The following LMBR1 variants were observed in gnomAD, a reference collection of about 807,000 sequenced individuals.
The protein encoded by LMBR1 is limb region 1 protein homolog.
Under a neutral mutation model 73.9 loss-of-function variants are expected in LMBR1, and 52 were observed. The observed-to-expected ratio is 0.70, with a 90% CI of 0.56 to 0.89. LMBR1 has a LOEUF of 0.89. LMBR1 is among the 40% of genes least tolerant of loss of function. LMBR1 has a pLI of 0.00. For missense variants in LMBR1, 539 were observed against 579.8 expected (o/e 0.93, Z 0.72); for synonymous variants, 215 against 209.4 (o/e 1.03, Z -0.23).
chr7:156,754,361 TA>T (rs564331435), intron 9 of LMBR1, among the ~76,000 whole-genome samples: 3 of 152,106 alleles, frequency 2.0e-5, no homozygotes, highest in Non-Finnish European at 4.4e-5. Flanking sequence ...CGTTACTTTT[TA>T]AAAAAAATAC....
rs1291603959 is a variant in LMBR1, at chr7:156,796,400, C to T, written c.412G>A (p.Gly138Ser). The change falls in exon 5 of 17, where the codon GGC becomes AGC. Residue 138 changes from glycine to serine, a missense_variant. This residue lies in a region of LMBR1 where 454 missense variants were observed against 473.4 expected (regional missense o/e 0.96). Coordinates refer to ENST00000353442, the MANE Select transcript of LMBR1 (RefSeq NM_022458.4). ...CTAGATTCACTTACCTTTTTCAGGC[C>T]AGCAAAGCCTTCTGATTCCAGAAAG... ...FFFLESEGFA[G>S]LKKGIRARIL... is the part of the protein sequence containing the mutation. The T allele has an allele frequency of 1.3e-6, 2 of 1,599,122 alleles. No homozygotes were observed. Among genetic ancestry groups the T allele is most frequent in the Non-Finnish European group, 1.7e-6 (2 of 1,173,958 alleles).
At chr7:156,782,981 T>A (rs1023254406) in intron 5 of LMBR1, among the ~76,000 whole-genome samples, 1 of 152,200 alleles carries the variant, frequency 6.6e-6, no homozygotes, top group Non-Finnish European at 1.5e-5. Context: ...CTTGTAATAT[T>A]TGATAGAGGA....
intron 1 of LMBR1, among the ~76,000 whole-genome samples, chr7:156,849,980 C>A (rs1435228260): frequency 2.6e-5 from 4 of 152,114 alleles, no homozygotes; most frequent in African/African-American, 7.2e-5. Flanking sequence ...TTGCTGTGAA[C>A]CTAAAATTTC....
At chr7:156,731,637 CAG>C (rs1223548698) in intron 10 of LMBR1, among the ~76,000 whole-genome samples, 1 of 152,108 alleles carries the variant, frequency 6.6e-6, no homozygotes, top group Non-Finnish European at 1.5e-5. Flanking sequence ...CAAAAACTGA[CAG>C]AATCTATTGC....
intron 2 of LMBR1, among the ~76,000 whole-genome samples, chr7:156,834,794 A>G (rs1006271291): frequency 6.6e-6 from 1 of 151,504 alleles, no homozygotes; most frequent in Non-Finnish European, 1.5e-5. Context: ...GCCTGTCAGC[A>G]ATCTCTTTTG....
At chr7:156,692,613 G>A (rs1266247901) in intron 15 of LMBR1, among the ~76,000 whole-genome samples, 1 of 152,164 alleles carries the variant, frequency 6.6e-6, no homozygotes. Context: ...CAAACAAGGT[G>A]GGCCCTATGA....
intron 4 of LMBR1, among the ~76,000 whole-genome samples, chr7:156,671,458 G>A (rs2131656592): frequency 6.6e-6 from 1 of 152,334 alleles, no homozygotes; most frequent in South Asian, 2.1e-4. Flanking sequence ...AGATAATGGT[G>A]TAGAACACCA....
At chr7:156,880,418 T>G (rs1800909285) in intron 1 of LMBR1, among the ~76,000 whole-genome samples, 1 of 151,738 alleles carries the variant, frequency 6.6e-6, no homozygotes, top group African/African-American at 2.4e-5. Flanking sequence ...GTGTGATGGG[T>G]GCACCAAAAG....
downstream of LMBR1, chr7:156,676,561 T>C (rs1804091613): frequency 6.2e-7 from 1 of 1,614,146 alleles, no homozygotes; most frequent in South Asian, 1.1e-5. Flanking sequence ...GCGTGTCTGC[T>C]GGCACTAGAG....
In LMBR1 at chr7:156,682,281, C is replaced by G. The variant is rs113036233; in HGVS notation, c.*1797G>C. 932 of 151,362 alleles carry G rather than the reference C, an allele frequency of 6.2e-3. 21 individuals are homozygous for G. In the South Asian group the frequency reaches 0.082, roughly 13 times the overall value. The allele number at this position is 151,362 out of a possible 1,614,324, so 9.4% of individuals were successfully genotyped here. A position where few individuals can be genotyped will look rare whatever the true frequency, so the allele number is the denominator to read the frequency against. Reference sequence around the variant, plus strand: ...GTATCTAGGAACTCTTTGGATGTGCCTGAAAGTGGTGTAAGTGAGAAGTGA... The same window carrying G: ...GTATCTAGGAACTCTTTGGATGTGCGTGAAAGTGGTGTAAGTGAGAAGTGA... On this transcript the variant is annotated 3_prime_UTR_variant, in exon 17 of 17. Transcript: ENST00000353442.
At chr7:156,828,054 C>T (rs1836005872) in intron 3 of LMBR1, among the ~76,000 whole-genome samples, 1 of 152,192 alleles carries the variant, frequency 6.6e-6, no homozygotes, top group South Asian at 2.1e-4. Flanking sequence ...GCAAGCTTCT[C>T]CAGTCATGGG....
At chr7:156,883,184 T>A (rs543923812) in intron 1 of LMBR1, among the ~76,000 whole-genome samples, 1 of 152,296 alleles carries the variant, frequency 6.6e-6, no homozygotes, top group African/African-American at 2.4e-5. Flanking sequence ...GCAGATCACC[T>A]GAGGTCTGGA....
chr7:156,671,074 G>GT (rs1802384101), intron 4 of LMBR1, among the ~76,000 whole-genome samples: 1 of 152,222 alleles, frequency 6.6e-6, no homozygotes, highest in Non-Finnish European at 1.5e-5. Context: ...CCTTAATAAT[G>GT]TAAGTATGCA....
At chr7:156,676,572 G>T (rs1348762540), downstream of LMBR1, 1 of 1,614,202 alleles carries the variant, frequency 6.2e-7, no homozygotes, top group Non-Finnish European at 8.5e-7. Context: ...GGCACTAGAG[G>T]AGTTCTCCGT....
rs1384253470 is a variant in LMBR1, at chr7:156,680,212, G to A, written c.*3866C>T. On this transcript the variant is annotated 3_prime_UTR_variant, in exon 17 of 17. Transcript: ENST00000353442. ...TCTTCTTTTAAACCACATTCCAAAG[G>A]GATGCTTTTCAAACTGAAGTCTGCC... 1.3e-5 allele frequency: 2 copies of A among 151,778 alleles called. No homozygotes were observed. The highest frequency in any genetic ancestry group is 4.8e-5 in the African/African-American group (2 of 41,286). The allele number at this position is 151,778 out of a possible 1,614,324, so 9.4% of individuals were successfully genotyped here.
intron 1 of LMBR1, among the ~76,000 whole-genome samples, chr7:156,884,759 A>C (rs1043753371): frequency 6.6e-6 from 1 of 152,234 alleles, no homozygotes; most frequent in Non-Finnish European, 1.5e-5. Context: ...GGGCAATGAC[A>C]AAGGTCAGAA....
intron 5 of LMBR1, among the ~76,000 whole-genome samples, chr7:156,767,359 ATATAGT>A (rs1191026481): frequency 2.6e-5 from 4 of 152,196 alleles, no homozygotes; most frequent in Admixed American, 6.5e-5. Context: ...ATAACGATAT[ATATAGT>A]TATAAACTAA....
chr7:156,890,672 T>C (rs1802747168), intron 1 of LMBR1, among the ~76,000 whole-genome samples: 1 of 152,070 alleles, frequency 6.6e-6, no homozygotes, highest in Non-Finnish European at 1.5e-5. Flanking sequence ...ATGACTAAAA[T>C]TAAAAAGGAC....
rs1798616291 is a variant in LMBR1 at position 156,867,402 on chromosome 7, T to A, written c.66+25526A>T. ...TAAAGTTACTTTATGACGCAGCATG[T>A]CCACCCCTAGGTATATGCTCAAAAG... On this transcript the variant is annotated intron_variant, in intron 1 of 16. Coordinates refer to ENST00000353442, the MANE Select transcript of LMBR1 (RefSeq NM_022458.4). Among the ~76,000 whole-genome samples, 4 of 152,200 alleles carry A rather than the reference T, an allele frequency of 2.6e-5. No individual in the cohort carries two copies. In the South Asian group the frequency reaches 8.3e-4, roughly 32 times the overall value.
Sources: allele counts gnomAD v4.1 joint callset (sites outside exome capture counted in the v4.1 genomes callset), GRCh38; gene constraint gnomAD v4.1.1; regional missense constraint gnomAD v4.1.1; transcripts MANE v1.5; gene names NCBI Gene and HGNC (gene_info 2026-07-23, HGNC 2026-07-21).